ANK3: variants seen among roughly 807,000 people sequenced by gnomAD.
ANK3 encodes ankyrin 3.
A neutral mutation model predicts 370.9 loss-of-function variants in ANK3; 57 were observed. The ratio of observed to expected loss-of-function variants is 0.15; its 90% confidence interval spans 0.12 to 0.19. ANK3 has a LOEUF of 0.19. Among genes scored for constraint, ANK3 ranks in the 10% least tolerant of loss-of-function variants. The pLI is 1.00. For missense variants in ANK3, 4,439 were observed against 5,302.1 expected, an observed-to-expected ratio of 0.84 and a Z score of 5.06; for synonymous variants, 1,929 against 1,946.3, an observed-to-expected ratio of 0.99 and a Z score of 0.23.
At chr10:60,294,722 TAGAC>T (rs561154762) in intron 1 of ANK3, among the ~76,000 whole-genome samples, 6 of 152,294 alleles carry the variant, frequency 3.9e-5, no homozygotes, top group Admixed American at 3.3e-4. Context: ...AGAAGTCAGA[TAGAC>T]AGATAGATAG....
intron 2 of ANK3, among the ~76,000 whole-genome samples, chr10:60,437,651 C>T (rs1390472007): frequency 2.0e-5 from 3 of 152,136 alleles, no homozygotes; most frequent in Admixed American, 1.3e-4. Flanking sequence ...CTGGAATGCT[C>T]GAGCAGAAGG....
intron 2 of ANK3, among the ~76,000 whole-genome samples, chr10:60,470,257 A>AT (rs2065184489): frequency 6.6e-6 from 1 of 152,080 alleles, no homozygotes; most frequent in South Asian, 2.1e-4. Context: ...TTGGATAGAA[A>AT]TTCGTCATTT....
chr10:60,654,258 C>T lies in ANK3; in HGVS notation c.58-39034G>A, dbSNP rs528320715. 1.1e-4 allele frequency among the ~76,000 whole-genome samples: 17 copies of T among 152,218 alleles called. 1 individual carries two copies. Among genetic ancestry groups the T allele is most frequent in the Admixed American group, 1.0e-3 (16 of 15,294 alleles). On this transcript the variant is annotated intron_variant, in intron 1 of 43. Coordinates refer to the ANK3 transcript ENST00000373827. ...TCTACATAGACAAGTATGTTGTCTA[C>T]AAATAGACAGTTTTACTTCTTTCCA...
intron 2 of ANK3, among the ~76,000 whole-genome samples, chr10:60,426,805 G>T (rs1218091668): frequency 2.0e-5 from 3 of 152,134 alleles, no homozygotes; most frequent in Admixed American, 2.0e-4. Flanking sequence ...CCAAAATTAT[G>T]AAGTATAGAA....
chr10:60,138,974 G>C lies in ANK3; in HGVS notation c.2728C>G (p.Arg910Gly), dbSNP rs746291751. The C allele has an allele frequency of 5.0e-6, 8 of 1,613,608 alleles. No homozygotes were observed. Among genetic ancestry groups the C allele is most frequent in the Non-Finnish European group, 6.8e-6 (8 of 1,179,836 alleles). Reference sequence around the variant, plus strand: ...GCAACAACGAAGTACCTGGCAGAACGCGCTCCGAGACTAAAGCCCATGTAA... The same window carrying C: ...GCAACAACGAAGTACCTGGCAGAACCCGCTCCGAGACTAAAGCCCATGTAA... ...EGYMGFSLGARSASLRSFSSD... is the reference protein window; with the variant it reads ...EGYMGFSLGAGSASLRSFSSD... Residue 910 changes from arginine to glycine, a missense_variant, in exon 24 of 44, where the codon CGT (arginine) becomes GGT (glycine). By Grantham distance (125) the Arg-to-Gly change is moderately radical. Coordinates refer to ENST00000280772, the MANE Select transcript of ANK3 (RefSeq NM_020987.5).
chr10:60,437,554 C>T (rs1478446182), intron 2 of ANK3, among the ~76,000 whole-genome samples: 1 of 152,154 alleles, frequency 6.6e-6, no homozygotes, highest in Non-Finnish European at 1.5e-5. Context: ...GACTTAATAA[C>T]TATTGCTAAA....
intron 40 of ANK3, 84 bp from the exon 41 acceptor site, chr10:60,059,514 T>C (rs1589384661): frequency 2.3e-6 from 3 of 1,293,268 alleles, no homozygotes; most frequent in Non-Finnish European, 2.2e-6. Context: ...CTCCTCAGAC[T>C]CTACTCCTTC....
At chr10:60,082,387 C>T in intron 34 of ANK3, 1 of 680,492 alleles carries the variant, frequency 1.5e-6, no homozygotes, top group South Asian at 2.1e-5. Context: ...GCATAAAAAT[C>T]TATGCGCTAC....
chr10:60,230,561 GGAAA>G (rs1259120849), intron 8 of ANK3, among the ~76,000 whole-genome samples: 14 of 152,140 alleles, frequency 9.2e-5, no homozygotes, highest in African/African-American at 3.4e-4. Context: ...TGGGAAAATG[GGAAA>G]GACTTTCCTG....
chr10:60,381,085 A>G (rs1265156798), intron 1 of ANK3, among the ~76,000 whole-genome samples: 1 of 152,148 alleles, frequency 6.6e-6, no homozygotes, highest in South Asian at 2.1e-4. Flanking sequence ...TCTATCATGG[A>G]CACTGCCTAG....
At chr10:60,385,647 A>G (rs2062157337) in intron 1 of ANK3, among the ~76,000 whole-genome samples, 2 of 152,202 alleles carry the variant, frequency 1.3e-5, no homozygotes, top group South Asian at 4.1e-4. Flanking sequence ...ATCAATAATC[A>G]GAAAAGATGT....
intron 7 of ANK3, among the ~76,000 whole-genome samples, chr10:60,257,494 A>G (rs768815054): frequency 6.6e-6 from 1 of 152,200 alleles, no homozygotes; most frequent in Non-Finnish European, 1.5e-5. Flanking sequence ...AACTAAAGAT[A>G]TTGCTAACTA....
intron 1 of ANK3, among the ~76,000 whole-genome samples, chr10:60,660,744 G>A (rs61854515): frequency 6.6e-6 from 1 of 152,134 alleles, no homozygotes; most frequent in Non-Finnish European, 1.5e-5. Context: ...GTGGAAGTAA[G>A]ATGATTCTCC....
chr10:60,109,968 T>A (rs750593347), intron 26 of ANK3, among the ~76,000 whole-genome samples: 8 of 152,198 alleles, frequency 5.3e-5, no homozygotes, highest in Non-Finnish European at 1.0e-4. Context: ...ATGAGTTCAA[T>A]GTGTGGAAGA....
At chr10:60,690,510 C>G (rs2079336678) in intron 1 of ANK3, among the ~76,000 whole-genome samples, 1 of 151,846 alleles carries the variant, frequency 6.6e-6, no homozygotes, top group African/African-American at 2.4e-5. Flanking sequence ...GTTTTTTTCC[C>G]TAAGTTTTAG....
At chr10:60,507,923 G>T (rs2075982252) in intron 2 of ANK3, 1 of 151,956 alleles carries the variant, frequency 6.6e-6, no homozygotes, top group Admixed American at 6.6e-5. Flanking sequence ...TCTAAATATA[G>T]ATCTAATATT....
intron 1 of ANK3, among the ~76,000 whole-genome samples, chr10:60,695,612 C>G (rs893273103): frequency 6.6e-6 from 1 of 152,170 alleles, no homozygotes; most frequent in Non-Finnish European, 1.5e-5. Context: ...CAAAACTGCT[C>G]AACTACATGG....
intron 17 of ANK3, 84 bp from the exon 18 acceptor site, chr10:60,181,511 C>T: frequency 4.6e-6 from 6 of 1,295,062 alleles, no homozygotes; most frequent in Non-Finnish European, 6.7e-6. Context: ...TTTGTGAATT[C>T]TAAGATGGTA....
intron 2 of ANK3, among the ~76,000 whole-genome samples, chr10:60,540,078 G>C (rs1595236641): frequency 6.6e-6 from 1 of 151,874 alleles, no homozygotes; most frequent in East Asian, 1.9e-4. Flanking sequence ...AAAATGACAG[G>C]CTCCTTCACC....
Sources: gnomAD v4.1 joint callset for allele counts (sites outside exome capture counted in the v4.1 genomes callset) on GRCh38, gnomAD v4.1.1 for gene constraint, MANE v1.5 for transcripts, NCBI Gene and HGNC (gene_info 2026-07-23, HGNC 2026-07-21) for gene names.